The following MICU1 variants were observed in gnomAD, a reference collection of about 807,000 sequenced individuals.
MICU1 encodes the protein mitochondrial calcium uptake 1, also known as calcium uptake protein 1, mitochondrial.
MICU1 carries 45 observed loss-of-function variants against 56.8 expected under a neutral mutation model. The ratio of observed to expected loss-of-function variants is 0.79; its 90% CI spans 0.62 to 1.02. The LOEUF is 1.02. MICU1 is among the 50% of genes least tolerant of loss of function. The probability of loss-of-function intolerance (pLI) is 0.00; values close to 1 mark genes in which losing one functional copy is unlikely to be tolerated. For missense variants in MICU1, 504 were observed against 587.1 expected (o/e 0.86, Z 1.46); for synonymous variants, 186 against 195.1 (o/e 0.95, Z 0.39).
At chr10:72,433,572 C>A (rs1003017994) in intron 8 of MICU1, among the ~76,000 whole-genome samples, 1 of 151,900 alleles carries the variant, frequency 6.6e-6, no homozygotes, top group South Asian at 2.1e-4. Flanking sequence ...GGACTACAGG[C>A]GCCTGCCACC....
chr10:72,406,620 A>AG (rs1554862665), intron 10 of MICU1, among the ~76,000 whole-genome samples: 15 of 151,748 alleles, frequency 9.9e-5, no homozygotes, highest in East Asian at 9.7e-4. Flanking sequence ...AAAAAAAAAA[A>AG]AGAGAGAGAT....
intron 1 of MICU1, among the ~76,000 whole-genome samples, chr10:72,604,634 A>C (rs1841639786): frequency 6.6e-6 from 1 of 152,122 alleles, no homozygotes; most frequent in African/African-American, 2.4e-5. Context: ...ACTTTTTAAA[A>C]AGAATCTCCC....
At chr10:72,614,282 A>G (rs1841927230) in intron 1 of MICU1, among the ~76,000 whole-genome samples, 1 of 152,254 alleles carries the variant, frequency 6.6e-6, no homozygotes, top group Non-Finnish European at 1.5e-5. Context: ...ATAGGAATAT[A>G]AAATAGTGCA....
chr10:72,475,718 C>G, intron 7 of MICU1: 1 of 372,990 alleles, frequency 2.7e-6, no homozygotes, highest in East Asian at 8.4e-5. Flanking sequence ...AGTGAGCCAC[C>G]GCGCCCAGCC....
At chr10:72,408,521 C>G (rs1334594221) in intron 9 of MICU1, among the ~76,000 whole-genome samples, 2 of 152,142 alleles carry the variant, frequency 1.3e-5, no homozygotes, top group Admixed American at 6.5e-5. Flanking sequence ...GTTGGCCAGA[C>G]TGGCCTTGAA....
chr10:72,470,313 T>C (rs759225908), intron 8 of MICU1, among the ~76,000 whole-genome samples: 4 of 152,338 alleles, frequency 2.6e-5, no homozygotes, highest in Middle Eastern at 6.8e-3. Flanking sequence ...AAATTTTATG[T>C]AAGGATGTCA....
In MICU1 at chr10:72,385,534, G is replaced by T. The variant is rs577514581; in HGVS notation, c.1181-9662C>A. ...CAAAAAACCAAAAAACAAAGTAAGG[G>T]TTTAAACAAAATGATTTTTAAGTTA... On this transcript the variant is annotated intron_variant, in intron 10 of 11. Coordinates refer to ENST00000361114, the MANE Select transcript of MICU1 (RefSeq NM_001195518.2). Among the ~76,000 whole-genome samples, 13 of 152,152 alleles carry T rather than the reference G, an allele frequency of 8.5e-5. No individual in the cohort carries two copies. The South Asian group carries it at 2.5e-3, about 29-fold the overall frequency.
intron 9 of MICU1, among the ~76,000 whole-genome samples, chr10:72,413,725 C>A (rs1863896648): frequency 1.3e-5 from 2 of 151,558 alleles, no homozygotes; most frequent in African/African-American, 2.4e-5. Flanking sequence ...CAGAGGGAGA[C>A]CCTGTCTCAA....
At chr10:72,509,116 T>C (rs920602969) in intron 5 of MICU1, among the ~76,000 whole-genome samples, 2 of 152,204 alleles carry the variant, frequency 1.3e-5, no homozygotes, top group Non-Finnish European at 2.9e-5. Context: ...AGTTGTGACA[T>C]TGAATATATT....
At chr10:72,537,040 T>C (rs1041462233) in intron 4 of MICU1, among the ~76,000 whole-genome samples, 2 of 152,208 alleles carry the variant, frequency 1.3e-5, no homozygotes, top group Non-Finnish European at 2.9e-5. Flanking sequence ...TTATATTTTA[T>C]GCTCTTCATT....
intron 8 of MICU1, among the ~76,000 whole-genome samples, chr10:72,428,531 C>T (rs1368275414): frequency 3.3e-5 from 5 of 152,170 alleles, no homozygotes; most frequent in African/African-American, 1.2e-4. Context: ...CCAGGCTGGT[C>T]TCGAACTCCT....
At chr10:72,394,160 C>A (rs1863170703) in intron 10 of MICU1, among the ~76,000 whole-genome samples, 3 of 151,918 alleles carry the variant, frequency 2.0e-5, no homozygotes, top group Admixed American at 2.0e-4. Flanking sequence ...TGCCTGTAAT[C>A]ATGCCTGACT....
chr10:72,601,409 G>C (rs1712306895), intron 1 of MICU1, among the ~76,000 whole-genome samples: 1 of 124,918 alleles, frequency 8.0e-6, no homozygotes, highest in African/African-American at 3.1e-5. Context: ...AAGAGTCAGA[G>C]CAAATGAGAC....
chr10:72,487,356 T>C (rs1028039583), intron 6 of MICU1, among the ~76,000 whole-genome samples: 2 of 152,108 alleles, frequency 1.3e-5, no homozygotes, highest in Non-Finnish European at 2.9e-5. Flanking sequence ...TGCAACCAGA[T>C]CAGCTACAGA....
At chr10:72,435,286 G>A (rs1864671441) in intron 8 of MICU1, among the ~76,000 whole-genome samples, 1 of 150,824 alleles carries the variant, frequency 6.6e-6, no homozygotes, top group Admixed American at 6.7e-5. Context: ...TACTTGGGAG[G>A]CTGAAGTGAG....
Position 72,579,124 on chromosome 10 carries a change from A to G in MICU1, c.-1-12330T>C, listed in dbSNP as rs1840831044. On this transcript the variant is annotated intron_variant, in intron 1 of 11. Transcript: ENST00000361114. The stretch of plus-strand genomic sequence containing the variant: ...AACCTCAGAAAGCAGTTTAGTAAAC[A>G]TCTTTCCTGAAATTTTTCTATGTAT... 2.0e-5 allele frequency among the ~76,000 whole-genome samples: 3 copies of G among 152,198 alleles called. No homozygotes were observed. In the South Asian group the frequency reaches 6.2e-4, roughly 32 times the overall value.
intron 5 of MICU1, chr10:72,509,437 A>G: frequency 7.6e-7 from 1 of 1,318,724 alleles, no homozygotes; most frequent in South Asian, 1.2e-5. Flanking sequence ...CACAAAGGAA[A>G]GAAAACTGGT....
chr10:72,453,522 T>C (rs551810313), intron 8 of MICU1, among the ~76,000 whole-genome samples: 26 of 151,284 alleles, frequency 1.7e-4, no homozygotes, highest in East Asian at 1.2e-3. Context: ...ATTTTACTTA[T>C]TTATTTATTT....
At chr10:72,368,554 T>C (rs1589142077) in intron 11 of MICU1, among the ~76,000 whole-genome samples, 199 bp from the exon 12 acceptor site, 1 of 152,168 alleles carries the variant, frequency 6.6e-6, no homozygotes, top group African/African-American at 2.4e-5. Context: ...TTCAGTGTAG[T>C]GTGACAAAAG....
Sources: allele counts gnomAD v4.1 joint callset (sites outside exome capture counted in the v4.1 genomes callset), GRCh38; gene constraint gnomAD v4.1.1; transcripts MANE v1.5; gene names NCBI Gene and HGNC (gene_info 2026-07-23, HGNC 2026-07-21).